Variants in CNTNAP2 observed in about 807,000 individuals in gnomAD.
The protein encoded by CNTNAP2 is contactin associated protein 2.
A neutral mutation model predicts 155.2 loss-of-function variants in CNTNAP2; 98 were observed. That is an observed-to-expected ratio of 0.63 (90% CI 0.54 to 0.75). CNTNAP2 has a LOEUF of 0.75. Ranked by LOEUF, CNTNAP2 falls within the 30% of genes least tolerant of loss-of-function variation. CNTNAP2 has a pLI of 0.00. For synonymous variants in CNTNAP2, 651 were observed against 631.2 expected (o/e 1.03, Z -0.47); for missense variants, 1,727 against 1,688.1 (o/e 1.02, Z -0.40).
intron 8 of CNTNAP2, among the ~76,000 whole-genome samples, chr7:147,247,724 G>A (rs1224820186): frequency 6.6e-6 from 1 of 152,126 alleles, no homozygotes; most frequent in Non-Finnish European, 1.5e-5. Flanking sequence ...GAATACTGAA[G>A]TTTCTTCTAA....
chr7:146,177,543 C>T (rs1324422729), intron 1 of CNTNAP2, among the ~76,000 whole-genome samples: 1 of 152,046 alleles, frequency 6.6e-6, no homozygotes, highest in Admixed American at 6.6e-5. Context: ...TGAACCAGTC[C>T]AGCTGTTATA....
intron 11 of CNTNAP2, among the ~76,000 whole-genome samples, chr7:147,490,441 C>T (rs1283258753): frequency 6.6e-6 from 1 of 152,182 alleles, no homozygotes; most frequent in Non-Finnish European, 1.5e-5. Context: ...TATTACAGCA[C>T]ACGTGAGAGG....
intron 13 of CNTNAP2, among the ~76,000 whole-genome samples, chr7:147,841,480 G>C (rs1798730366): frequency 6.6e-6 from 1 of 152,122 alleles, no homozygotes; most frequent in Admixed American, 6.6e-5. Context: ...CCAGCTACAG[G>C]TGCTACAAGG....
intron 11 of CNTNAP2, among the ~76,000 whole-genome samples, chr7:147,525,360 T>A (rs1462270824): frequency 6.6e-6 from 1 of 152,250 alleles, no homozygotes; most frequent in Admixed American, 6.5e-5. Context: ...TCAAAGTCCT[T>A]AAATCATATT....
intron 1 of CNTNAP2, among the ~76,000 whole-genome samples, chr7:146,609,030 A>G (rs1332537797): frequency 6.6e-6 from 1 of 152,166 alleles, no homozygotes; most frequent in Non-Finnish European, 1.5e-5. Context: ...TGCTTTCCCA[A>G]GACCATGCAT....
At chr7:147,754,614 T>C (rs1388587177) in intron 13 of CNTNAP2, among the ~76,000 whole-genome samples, 2 of 152,218 alleles carry the variant, frequency 1.3e-5, no homozygotes, top group African/African-American at 4.8e-5. Context: ...TAGGGGATGT[T>C]TGAATATGAA....
chr7:146,427,254 G>T (rs1796107104), intron 1 of CNTNAP2, among the ~76,000 whole-genome samples: 1 of 152,146 alleles, frequency 6.6e-6, no homozygotes, highest in Non-Finnish European at 1.5e-5. Flanking sequence ...TACTGGAAAT[G>T]ATTTAATTCT....
At chr7:147,926,602 A>C (rs1800403220) in intron 14 of CNTNAP2, among the ~76,000 whole-genome samples, 1 of 152,196 alleles carries the variant, frequency 6.6e-6, no homozygotes, top group Non-Finnish European at 1.5e-5. Flanking sequence ...ATTAAAATTA[A>C]AATTAAAGTT....
intron 9 of CNTNAP2, among the ~76,000 whole-genome samples, chr7:147,333,284 C>G (rs1045728769): frequency 2.0e-4 from 31 of 152,282 alleles, no homozygotes; most frequent in African/African-American, 7.0e-4. Context: ...GGTGAGAACT[C>G]TCGGCGTTCT....
intron 21 of CNTNAP2, among the ~76,000 whole-genome samples, chr7:148,315,387 T>C (rs1412503017): frequency 6.6e-6 from 1 of 152,082 alleles, no homozygotes; most frequent in African/African-American, 2.4e-5. Context: ...GGGGTTGTTC[T>C]CTGGCGGGCA....
intron 1 of CNTNAP2, among the ~76,000 whole-genome samples, chr7:146,433,585 CAG>C (rs1796201226): frequency 6.6e-6 from 1 of 152,016 alleles, no homozygotes; most frequent in Non-Finnish European, 1.5e-5. Flanking sequence ...TCTATGGATC[CAG>C]AGAGTTCATC....
chr7:146,480,423 T>G (rs1796941792), intron 1 of CNTNAP2, among the ~76,000 whole-genome samples: 1 of 151,902 alleles, frequency 6.6e-6, no homozygotes, highest in African/African-American at 2.4e-5. Flanking sequence ...TTATATATCT[T>G]AAAATAATAT....
chr7:146,468,559 C>T (rs1183030367), intron 1 of CNTNAP2, among the ~76,000 whole-genome samples: 1 of 152,120 alleles, frequency 6.6e-6, no homozygotes, highest in African/African-American at 2.4e-5. Context: ...TGAACTGACT[C>T]TGATAATTAT....
chr7:147,686,525 C>G (rs2116986059), intron 13 of CNTNAP2, among the ~76,000 whole-genome samples: 1 of 151,644 alleles, frequency 6.6e-6, no homozygotes, highest in African/African-American at 2.4e-5. Context: ...GTATTTAAAT[C>G]CAGGGGTCCA....
intron 10 of CNTNAP2, among the ~76,000 whole-genome samples, chr7:147,468,298 T>G (rs1344028389): frequency 6.6e-6 from 1 of 152,042 alleles, no homozygotes; most frequent in Non-Finnish European, 1.5e-5. Context: ...GAAAACAAAA[T>G]AGAATACTTA....
intron 1 of CNTNAP2, among the ~76,000 whole-genome samples, chr7:146,627,703 G>C (rs1215073344): frequency 6.6e-6 from 1 of 152,046 alleles, no homozygotes; most frequent in African/African-American, 2.4e-5. Flanking sequence ...CAATTTCTCA[G>C]ATCAAAGTTT....
chr7:146,224,442 A>AC (rs1179911515), intron 1 of CNTNAP2, among the ~76,000 whole-genome samples: 11 of 151,220 alleles, frequency 7.3e-5, no homozygotes, highest in Non-Finnish European at 1.2e-4. Context: ...AAAAAAAAAA[A>AC]AAACCCAAAA....
intron 8 of CNTNAP2, among the ~76,000 whole-genome samples, chr7:147,217,529 T>C (rs1803301565): frequency 6.6e-6 from 1 of 152,034 alleles, no homozygotes; most frequent in Admixed American, 6.6e-5. Context: ...ATAATTCTTT[T>C]TGTATATATT....
rs77602642 is a variant in CNTNAP2, at chr7:147,431,005, G to T, written c.1670+35225G>T. Among the ~76,000 whole-genome samples the T allele has an allele frequency of 2.4e-3, 356 of 150,146 alleles. 1 individual carries two copies. The highest frequency in any genetic ancestry group is 0.014 in the Middle Eastern group (4 of 288). On this transcript the variant is annotated intron_variant, in intron 10 of 23. Transcript: ENST00000361727. ...GGAGCTTGCAGTAAGCCGAGATCAC[G>T]CCCCTCCTGCACTCCAGGCTGGGCG...
Sources: gnomAD v4.1 joint callset for allele counts (sites outside exome capture counted in the v4.1 genomes callset) on GRCh38, gnomAD v4.1.1 for gene constraint, MANE v1.5 for transcripts, NCBI Gene and HGNC (gene_info 2026-07-23, HGNC 2026-07-21) for gene names.